VPS39: variants seen among roughly 807,000 people sequenced by gnomAD.
VPS39 encodes VPS39 subunit of HOPS complex.
Under a neutral mutation model 121.0 loss-of-function variants are expected in VPS39, and 70 were observed. That is an observed-to-expected ratio of 0.58 (90% CI 0.48 to 0.71). The LOEUF (loss-of-function observed/expected upper bound fraction) is 0.71. Ranked by LOEUF, VPS39 falls within the 30% of genes least tolerant of loss-of-function variation. The pLI is 0.00. For synonymous variants in VPS39, 378 were observed against 398.1 expected (o/e 0.95, Z 0.60); for missense variants, 818 against 1,051.5 (o/e 0.78, Z 3.07).
rs1595653558 is a variant in VPS39, at chr15:42,173,970, G to A, written c.961-118C>T. ...ACACCAAAGTGTACAAGACAAGGCC[G>A]GGCGCGGTGCCTCACGCTTGTAATC... On this transcript the variant is annotated intron_variant, in intron 10 of 24. Coordinates refer to ENST00000318006, the MANE Select transcript of VPS39 (RefSeq NM_015289.5). 6.9e-5 allele frequency: 86 copies of A among 1,240,394 alleles called. No individual in the cohort carries two copies. In the South Asian group the frequency reaches 9.8e-4, roughly 14 times the overall value. The allele number at this position is 1,240,394 out of a possible 1,614,324, so 76.8% of individuals were successfully genotyped here. A position where few individuals can be genotyped will look rare whatever the true frequency, so the allele number is the denominator to read the frequency against.
intron 5 of VPS39, among the ~76,000 whole-genome samples, chr15:42,188,483 G>A (rs552093880): frequency 6.6e-6 from 1 of 152,308 alleles, no homozygotes; most frequent in Admixed American, 6.5e-5. Context: ...TCCATTTAAT[G>A]TCTTATAATT....
chr15:42,200,075 A>T (rs1256619524), intron 1 of VPS39, 114 bp from the exon 2 acceptor site: 11 of 984,720 alleles, frequency 1.1e-5, no homozygotes, highest in Admixed American at 3.6e-5. Context: ...TCAGAAATCA[A>T]TGTGTCAAGA....
In VPS39 at chr15:42,161,766, TC is replaced by T; in HGVS notation, c.2467del (p.Glu823LysfsTer9). The T allele has an allele frequency of 6.2e-7, 1 of 1,614,136 alleles. No homozygotes were observed. The highest frequency in any genetic ancestry group is 8.5e-7 in the Non-Finnish European group (1 of 1,180,036). On this transcript the variant is annotated frameshift_variant, in exon 24 of 25. Coordinates refer to ENST00000318006, the MANE Select transcript of VPS39 (RefSeq NM_015289.5). LOFTEE classifies it high-confidence loss of function. ...CACCTGCTGGTGTAAAATCCGCTCTTCCTGGACCTGGAAGAACAGGGGGATT... is the reference window on the plus strand; with the variant it reads ...CACCTGCTGGTGTAAAATCCGCTCTTCTGGACCTGGAAGAACAGGGGGATT... Reference protein sequence around the residue: ...LLHAEFLRVQEERILHQQVKC... With the variant: ...LLHAEFLRVQXERILHQQVKC...
At chr15:42,202,305 TAAAGG>T (rs1225773712) in intron 1 of VPS39, among the ~76,000 whole-genome samples, 1 of 152,130 alleles carries the variant, frequency 6.6e-6, no homozygotes, top group Non-Finnish European at 1.5e-5. Flanking sequence ...TTTGGGGTCT[TAAAGG>T]AAAGGCAGGT....
At position 42,208,287 on chromosome 15, in the gene VPS39, A is replaced by C; in HGVS notation, c.-134T>G. 17 of 1,145,200 alleles carry C rather than the reference A, an allele frequency of 1.5e-5. No individual in the cohort carries two copies. The highest frequency in any genetic ancestry group is 2.6e-5 in the East Asian group (1 of 37,840). 70.9% of individuals were successfully genotyped at this position (1,145,200 alleles called of 1,614,324 possible). On this transcript the variant is annotated 5_prime_UTR_variant, in exon 1 of 25. Transcript: ENST00000318006. ...CCCCGGCTACAGGCCCTTCAACAAC[A>C]CAGCCATCGTCAACCCCGGACTTCC...
Position 42,208,182 on chromosome 15 carries a change from T to C in VPS39, c.-29A>G. The C allele has an allele frequency of 6.4e-7, 1 of 1,556,762 alleles. No individual in the cohort carries two copies. Among genetic ancestry groups the C allele is most frequent in the Non-Finnish European group, 8.7e-7 (1 of 1,150,198 alleles). Reference sequence around the variant, plus strand: ...GGCAAGGGGAGAGTTGCCACCGCCGTCTCGCCCAGAGTGTTCCGGGCCGGG... The same window carrying C: ...GGCAAGGGGAGAGTTGCCACCGCCGCCTCGCCCAGAGTGTTCCGGGCCGGG... On this transcript the variant is annotated 5_prime_UTR_variant, in exon 1 of 25. Coordinates refer to ENST00000318006, the MANE Select transcript of VPS39 (RefSeq NM_015289.5).
At chr15:42,185,034 T>C (rs770747967) in intron 7 of VPS39, among the ~76,000 whole-genome samples, 4 of 152,204 alleles carry the variant, frequency 2.6e-5, no homozygotes, top group African/African-American at 4.8e-5. Context: ...ACACTTGCCA[T>C]ATGCCCCTTA....
chr15:42,163,338 G>A lies in VPS39; in HGVS notation c.2175+12C>T. On this transcript the variant is annotated intron_variant, in intron 21 of 24. Transcript: ENST00000318006. ...ATGCACACGTGCTCCCTGGGTCAGG[G>A]TCACTACTCACATCTTTGTTGCCAT... is the stretch of plus-strand genomic sequence containing the variant. 14 of 1,614,176 alleles carry A rather than the reference G, an allele frequency of 8.7e-6. No individual in the cohort carries two copies. Among genetic ancestry groups the A allele is most frequent in the Non-Finnish European group, 1.2e-5 (14 of 1,180,028 alleles).
In VPS39 at chr15:42,189,124, C is replaced by A; in HGVS notation, c.332G>T (p.Cys111Phe). 1.2e-6 allele frequency: 2 copies of A among 1,613,764 alleles called. No individual in the cohort carries two copies. Among genetic ancestry groups the A allele is most frequent in the Non-Finnish European group, 1.7e-6 (2 of 1,179,724 alleles). ...CTTGGGTAAACTTACCTGGAGGTCA[C>A]AAGTAAACAGTGATGCTCCCTTTGC... ...SKAKGASLFT[C>F]DLQHTETGEE... The change falls in exon 5 of 25, where the codon TGT (cysteine) becomes TTT (phenylalanine). Residue 111 changes from cysteine to phenylalanine, a missense_variant. Transcript: ENST00000318006.
chr15:42,184,827 T>C (rs2049666978), intron 7 of VPS39, 127 bp from the exon 8 acceptor site: 1 of 910,056 alleles, frequency 1.1e-6, no homozygotes, highest in East Asian at 2.5e-5. Context: ...AAGAAAATGT[T>C]ACAGAGTTTA....
intron 1 of VPS39, among the ~76,000 whole-genome samples, chr15:42,202,025 T>C (rs761398050): frequency 6.6e-5 from 10 of 152,228 alleles, no homozygotes; most frequent in Non-Finnish European, 1.5e-4. Flanking sequence ...CTAGGGAATA[T>C]ATAACTTTTC....
At chr15:42,167,246 A>T (rs778338651) in intron 13 of VPS39, 148 bp downstream of exon 13, 100 of 1,039,982 alleles carry the variant, frequency 9.6e-5, no homozygotes, top group Non-Finnish European at 1.3e-4. Context: ...AGAGACTCAC[A>T]GACATCAGGA....
At chr15:42,175,286 T>TA (rs976666434) in intron 10 of VPS39, among the ~76,000 whole-genome samples, 17 of 151,682 alleles carry the variant, frequency 1.1e-4, no homozygotes, top group Admixed American at 1.1e-3. Context: ...CGCACGCCTG[T>TA]AGTCCCAGCT....
rs200833758 is a variant in VPS39 at position 42,160,864 on chromosome 15, G to A, written c.2553-35C>T. The A allele has an allele frequency of 4.3e-5, 69 of 1,606,138 alleles. No homozygotes were observed. In the Admixed American group the frequency reaches 4.8e-4, roughly 11 times the overall value. On this transcript the variant is annotated intron_variant, in intron 24 of 24. Coordinates refer to ENST00000318006, the MANE Select transcript of VPS39 (RefSeq NM_015289.5). ...AGAAAATGGCTTGGGAGTGAGGACT[G>A]CTTCTAAGTGACCACTTCTCTGGCA...
intron 2 of VPS39, among the ~76,000 whole-genome samples, chr15:42,196,464 C>G (rs1009739261): frequency 1.3e-5 from 2 of 152,066 alleles, no homozygotes; most frequent in Non-Finnish European, 2.9e-5. Context: ...AGAAATCAAA[C>G]TTACAAGAAA....
At chr15:42,166,306 G>C in intron 15 of VPS39, 74 bp from the exon 16 acceptor site, 2 of 1,464,738 alleles carry the variant, frequency 1.4e-6, no homozygotes, top group Non-Finnish European at 1.9e-6. Context: ...AGGTGGGCAG[G>C]TTGCCCCAGA....
intron 2 of VPS39, 38 bp from the exon 3 acceptor site, chr15:42,191,598 A>G (rs573753410): frequency 6.4e-7 from 1 of 1,574,120 alleles, no homozygotes; most frequent in South Asian, 1.1e-5. Flanking sequence ...TTCCAAATAC[A>G]GGGATACATA....
Position 42,165,781 on chromosome 15 carries a change from CAG to C in VPS39, c.1714_1715del (p.Leu572AlafsTer3). 1.2e-6 allele frequency: 2 copies of C among 1,614,196 alleles called. No individual in the cohort carries two copies. The highest frequency in any genetic ancestry group is 1.7e-6 in the Non-Finnish European group (2 of 1,180,028). Reference sequence around the variant, plus strand: ...AGAAGCCGAGGACTCGATCACGTGGCAGAGACTCCACTTCCGGGAGATCTTCA... The same window carrying C: ...AGAAGCCGAGGACTCGATCACGTGGCAGACTCCACTTCCGGGAGATCTTCA... ...FTEDLPEVES[L>X]PRDRVLGFLI... On this transcript the variant is annotated frameshift_variant, in exon 17 of 25. Transcript: ENST00000318006. LOFTEE classifies it high-confidence loss of function.
chr15:42,164,254 T>C (rs2140836171), intron 19 of VPS39, 104 bp downstream of exon 19: 20 of 1,526,934 alleles, frequency 1.3e-5, no homozygotes, highest in Non-Finnish European at 1.7e-5. Flanking sequence ...GCCTGGTTTT[T>C]CCAGGCCCAA....
Sources: gnomAD v4.1 joint callset for allele counts (sites outside exome capture counted in the v4.1 genomes callset) on GRCh38, gnomAD v4.1.1 for gene constraint, MANE v1.5 for transcripts, NCBI Gene and HGNC (gene_info 2026-07-23, HGNC 2026-07-21) for gene names.